GLRX3: variants seen among roughly 807,000 people sequenced by gnomAD.
The protein encoded by GLRX3 is glutaredoxin 3.
Under a neutral mutation model 49.5 loss-of-function variants are expected in GLRX3, and 22 were observed. The ratio of observed to expected loss-of-function variants is 0.44; its 90% CI spans 0.32 to 0.63. GLRX3 has a LOEUF of 0.63. GLRX3 is among the 30% of genes least tolerant of loss of function. The pLI, the probability that GLRX3 is intolerant of heterozygous loss-of-function variation, is 0.05. For missense variants in GLRX3, 385 were observed against 396.3 expected (o/e 0.97, Z 0.24); for synonymous variants, 133 against 140.0 (o/e 0.95, Z 0.35).
chr10:130,159,765 A>G, intron 2 of GLRX3: 1 of 1,258,614 alleles, frequency 7.9e-7, no homozygotes, highest in Non-Finnish European at 1.0e-6. Flanking sequence ...ATCTTTTGAA[A>G]TGTGCAACAA....
intron 3 of GLRX3, 124 bp downstream of exon 3, chr10:130,160,193 C>T (rs1285415682): frequency 3.1e-6 from 2 of 645,248 alleles, no homozygotes; most frequent in African/African-American, 3.6e-5. Flanking sequence ...GGCCCTCCAC[C>T]TTTCTTCTGA....
At chr10:130,136,750 C>T (rs1157051045) in intron 1 of GLRX3, among the ~76,000 whole-genome samples, 8 of 152,144 alleles carry the variant, frequency 5.3e-5, no homozygotes, top group Non-Finnish European at 8.8e-5. Context: ...CTGGAAGCCC[C>T]GGCCCCAGCC....
chr10:130,147,081 T>A (rs17232178), intron 2 of GLRX3, among the ~76,000 whole-genome samples: 15,198 of 152,226 alleles, frequency 0.1, 780 homozygotes, highest in Middle Eastern at 0.13. Context: ...AGGGCAGATG[T>A]GAATATAGTG....
rs1862760324 is a variant in GLRX3 at position 130,169,438 on chromosome 10, A to G, written c.719A>G (p.Lys240Arg). Residue 240 changes from lysine to arginine, a missense_variant, in exon 7 of 11, where the codon AAA (lysine) becomes AGA (arginine). By Grantham distance (26) the Lys-to-Arg change is conservative. Coordinates refer to ENST00000331244, the MANE Select transcript of GLRX3 (RefSeq NM_006541.5). ...PKAPKLEERL[K>R]VLTNKASVML... ...TATCAATTTTCTCTCTTTAGGCTCA[A>G]AGTGCTGACAAATAAAGCTTCTGTG... is the stretch of plus-strand genomic sequence containing the variant. 1 of 1,608,814 alleles carries G rather than the reference A, an allele frequency of 6.2e-7. No individual in the cohort carries two copies. The highest frequency in any genetic ancestry group is 2.2e-5 in the East Asian group (1 of 44,852).
intron 1 of GLRX3, among the ~76,000 whole-genome samples, chr10:130,137,852 A>T (rs1186596745): frequency 6.6e-6 from 1 of 151,928 alleles, no homozygotes; most frequent in African/African-American, 2.4e-5. Context: ...GACCCACCTC[A>T]TCCTCCCGAG....
intron 10 of GLRX3, among the ~76,000 whole-genome samples, chr10:130,175,825 C>A (rs1862906275): frequency 6.6e-6 from 1 of 152,240 alleles, no homozygotes; most frequent in Non-Finnish European, 1.5e-5. Flanking sequence ...GCTTTAATAT[C>A]TACACACAGA....
chr10:130,136,575 C>T, intron 1 of GLRX3, 63 bp downstream of exon 1: 1 of 1,240,844 alleles, frequency 8.1e-7, no homozygotes, highest in Non-Finnish European at 1.0e-6. Context: ...GAGACCGGGC[C>T]GGTGTGGGGC....
At chr10:130,155,072 A>C (rs910323110) in intron 2 of GLRX3, among the ~76,000 whole-genome samples, 1 of 152,092 alleles carries the variant, frequency 6.6e-6, no homozygotes, top group Non-Finnish European at 1.5e-5. Context: ...TCCGAGCTCA[A>C]GCATTCTTCC....
intron 1 of GLRX3, among the ~76,000 whole-genome samples, chr10:130,143,741 A>C (rs182491891): frequency 1.3e-5 from 2 of 150,516 alleles, no homozygotes; most frequent in Non-Finnish European, 3.0e-5. Flanking sequence ...TCTGCCATCC[A>C]GGCTGCAGTG....
At chr10:130,160,114 C>T (rs771025846) in intron 3 of GLRX3, 45 bp downstream of exon 3, 1 of 1,124,934 alleles carries the variant, frequency 8.9e-7, no homozygotes, top group Non-Finnish European at 1.4e-6. Context: ...TGTAGGGTGC[C>T]ATGGGGCTAC....
At chr10:130,162,504 T>C (rs1444406994) in intron 4 of GLRX3, among the ~76,000 whole-genome samples, 1 of 152,206 alleles carries the variant, frequency 6.6e-6, no homozygotes, top group Non-Finnish European at 1.5e-5. Flanking sequence ...TTCTTGTACT[T>C]TGTGCGGTGG....
chr10:130,152,440 G>T (rs551749643), intron 2 of GLRX3, among the ~76,000 whole-genome samples: 1 of 152,312 alleles, frequency 6.6e-6, no homozygotes, highest in East Asian at 1.9e-4. Flanking sequence ...GCAGTGGCTG[G>T]TACTGGTTGT....
At chr10:130,153,378 G>A (rs763146458) in intron 2 of GLRX3, among the ~76,000 whole-genome samples, 1 of 152,208 alleles carries the variant, frequency 6.6e-6, no homozygotes, top group African/African-American at 2.4e-5. Context: ...GAGAAGAGAC[G>A]TTCTGGTTTT....
rs898221890 is a variant in GLRX3 at position 130,136,769 on chromosome 10, G to C, written c.92+257G>C. Among the ~76,000 whole-genome samples the C allele has an allele frequency of 4.6e-5, 7 of 152,232 alleles. No individual in the cohort carries two copies. The East Asian group carries it at 7.8e-4, about 17-fold the overall frequency. Reference sequence around the variant, plus strand: ...AAGCCCCGGCCCCAGCCCTGGCTCCGACCCCGACGGCTGTCCAAGCCCGGG... The same window carrying C: ...AAGCCCCGGCCCCAGCCCTGGCTCCCACCCCGACGGCTGTCCAAGCCCGGG... On this transcript the variant is annotated intron_variant, in intron 1 of 10. Coordinates refer to ENST00000331244, the MANE Select transcript of GLRX3 (RefSeq NM_006541.5).
intron 2 of GLRX3, among the ~76,000 whole-genome samples, chr10:130,155,223 T>C (rs1862451065): frequency 6.6e-6 from 1 of 152,126 alleles, no homozygotes; most frequent in African/African-American, 2.4e-5. Flanking sequence ...AGCAAAAGGC[T>C]AGTGGGGCTG....
intron 1 of GLRX3, among the ~76,000 whole-genome samples, chr10:130,144,682 C>T (rs2134875166): frequency 6.6e-6 from 1 of 152,328 alleles, no homozygotes; most frequent in South Asian, 2.1e-4. Flanking sequence ...TATATATGTG[C>T]CACATTTCCT....
chr10:130,166,844 T>C, intron 5 of GLRX3, 75 bp from the exon 6 acceptor site: 1 of 1,024,048 alleles, frequency 9.8e-7, no homozygotes, highest in Non-Finnish European at 1.5e-6. Flanking sequence ...ATCAATAATC[T>C]GTGTTATGGT....
intron 1 of GLRX3, among the ~76,000 whole-genome samples, chr10:130,139,980 A>G (rs1010320502): frequency 2.6e-5 from 4 of 152,326 alleles, no homozygotes; most frequent in Admixed American, 2.0e-4. Context: ...TAATAATTTT[A>G]AATCTACTTT....
intron 6 of GLRX3, among the ~76,000 whole-genome samples, chr10:130,168,017 T>G (rs1862726924): frequency 6.6e-6 from 1 of 152,220 alleles, no homozygotes; most frequent in African/African-American, 2.4e-5. Flanking sequence ...TATTTGCTCT[T>G]CAGTTGATTT....
Sources: allele counts gnomAD v4.1 joint callset (sites outside exome capture counted in the v4.1 genomes callset), GRCh38; gene constraint gnomAD v4.1.1; transcripts MANE v1.5; gene names NCBI Gene and HGNC (gene_info 2026-07-23, HGNC 2026-07-21).